The following UBE2D3 variants were observed in gnomAD, a reference collection of about 807,000 sequenced individuals.
UBE2D3 encodes ubiquitin conjugating enzyme E2 D3.
In UBE2D3, 2 loss-of-function variants were observed where a neutral mutation model predicts 22.8. That is an observed-to-expected ratio of 0.09 (90% CI 0.04 to 0.28). UBE2D3 has a LOEUF of 0.28. Among genes scored for constraint, UBE2D3 ranks in the 10% least tolerant of loss-of-function variants. UBE2D3 has a pLI of 1.00. For missense variants in UBE2D3, 27 were observed against 182.5 expected (o/e 0.15, Z 4.91); for synonymous variants, 56 against 60.4 (o/e 0.93, Z 0.34).
At chr4:102,836,281 G>T (rs553397531) in intron 1 of UBE2D3, among the ~76,000 whole-genome samples, 2 of 151,488 alleles carry the variant, frequency 1.3e-5, no homozygotes, top group East Asian at 3.9e-4. Context: ...TGAGTAGCTG[G>T]GACTATAGGC....
intron 2 of UBE2D3, chr4:102,825,299 G>A: frequency 1.0e-6 from 1 of 986,806 alleles, no homozygotes; most frequent in African/African-American, 1.7e-5. Flanking sequence ...TTTCAAGTTA[G>A]CTGTAAACAC....
chr4:102,868,627 G>T, intron 1 of UBE2D3: 1 of 1,576,178 alleles, frequency 6.3e-7, no homozygotes, highest in Non-Finnish European at 8.7e-7. Flanking sequence ...ACTCATGGGC[G>T]AGTATGCAAC....
rs1732488110 is a variant in UBE2D3 at position 102,853,635 on chromosome 4, A to C, written c.-129+15080T>G. Among the ~76,000 whole-genome samples the C allele has an allele frequency of 3.3e-5, 5 of 152,292 alleles. No individual in the cohort carries two copies. In the South Asian group the frequency reaches 1.0e-3, roughly 32 times the overall value. On this transcript the variant is annotated intron_variant, in intron 1 of 7. Transcript: ENST00000338145. ...TAATATAAATTTGTATTTTTCTGTA[A>C]AATATCTGGGAAGGTATGCAAAAAA...
chr4:102,829,184 G>A (rs1288962184), upstream of UBE2D3, among the ~76,000 whole-genome samples: 1 of 152,170 alleles, frequency 6.6e-6, no homozygotes, highest in Non-Finnish European at 1.5e-5. Flanking sequence ...TAGGGCAGTG[G>A]TGGAGCCTGA....
In UBE2D3 at chr4:102,839,543, G is replaced by T. The variant is rs1731624432; in HGVS notation, c.-128-12907C>A. On this transcript the variant is annotated intron_variant, in intron 1 of 7. Transcript: ENST00000338145. ...CCGCCTCGGCTTCCCAAAGTGCCAT[G>T]ATTACAGTGTGAGCTACTGCACCCG... Among the ~76,000 whole-genome samples the T allele has an allele frequency of 2.0e-5, 3 of 152,334 alleles. No individual in the cohort carries two copies. The South Asian group carries it at 6.2e-4, about 32-fold the overall frequency.
intron 1 of UBE2D3, 78 bp downstream of exon 1, chr4:102,827,349 C>T (rs1336824065): frequency 1.7e-5 from 17 of 982,470 alleles, no homozygotes; most frequent in Non-Finnish European, 1.8e-5. Flanking sequence ...CCGCCCAGGT[C>T]CCGCACTGCC....
chr4:102,828,417 C>G (rs1388430394), upstream of UBE2D3, among the ~76,000 whole-genome samples: 1 of 152,004 alleles, frequency 6.6e-6, no homozygotes, highest in African/African-American at 2.4e-5. Context: ...CCCAGGTTGG[C>G]CGCTCATCAG....
chr4:102,848,587 G>A (rs779812583), intron 1 of UBE2D3, among the ~76,000 whole-genome samples: 17 of 151,828 alleles, frequency 1.1e-4, no homozygotes, highest in Non-Finnish European at 2.5e-4. Flanking sequence ...GGAGGATGCA[G>A]TGAGCCGAGA....
chr4:102,806,963 TATG>T (rs2110272664), intron 4 of UBE2D3, among the ~76,000 whole-genome samples: 1 of 152,206 alleles, frequency 6.6e-6, no homozygotes, highest in South Asian at 2.1e-4. Context: ...AGCCAGTACA[TATG>T]ATTATTAAAG....
At chr4:102,868,680 G>T (rs756195690) in intron 1 of UBE2D3, 2 of 1,613,764 alleles carry the variant, frequency 1.2e-6, no homozygotes, top group Admixed American at 3.3e-5. Context: ...GAGGCGGGGC[G>T]AGAGGGGACG....
intron 1 of UBE2D3, among the ~76,000 whole-genome samples, chr4:102,860,394 A>G (rs1272101220): frequency 1.5e-5 from 2 of 136,172 alleles, no homozygotes; most frequent in African/African-American, 5.7e-5. Context: ...TTTGGTTGTC[A>G]TGTTTTCCTG....
chr4:102,826,967 T>C (rs913753484), intron 1 of UBE2D3: 8 of 998,526 alleles, frequency 8.0e-6, no homozygotes, highest in African/African-American at 3.5e-5. Flanking sequence ...CCGGCGTCAC[T>C]AGGGCAAAGA....
chr4:102,812,501 G>C (rs1728195691), intron 2 of UBE2D3: 1 of 152,170 alleles, frequency 6.6e-6, no homozygotes, highest in Admixed American at 6.5e-5. Flanking sequence ...AAACAACCCA[G>C]CTTCCAAGTC....
chr4:102,843,301 T>G (rs577872572), intron 1 of UBE2D3: 1 of 135,178 alleles, frequency 7.4e-6, no homozygotes, highest in Admixed American at 7.2e-5. Context: ...TTTTGTTTCA[T>G]TTTTTTTTTT....
Position 102,797,161 on chromosome 4 carries a change from TA to T in UBE2D3, c.*253del, listed in dbSNP as rs965209004. On this transcript the variant is annotated 3_prime_UTR_variant, in exon 8 of 8. Transcript: ENST00000453744. ...AATACACATGCTCCATTTTTTTTTT[TA>T]AAAATTCTGAGTCTTGGGCAACTGT... 2.7e-4 allele frequency: 89 copies of T among 327,600 alleles called. No homozygotes were observed. The highest frequency in any genetic ancestry group is 1.1e-3 in the South Asian group (15 of 13,410). 20.3% of individuals were successfully genotyped at this position (327,600 alleles called of 1,614,324 possible). A position where few individuals can be genotyped will look rare whatever the true frequency, so the allele number is the denominator to read the frequency against.
intron 4 of UBE2D3, among the ~76,000 whole-genome samples, chr4:102,807,528 G>C (rs750441738): frequency 9.9e-5 from 15 of 152,068 alleles, no homozygotes; most frequent in Non-Finnish European, 2.1e-4. Flanking sequence ...TGCTACCAAA[G>C]CAAAACCCAG....
intron 7 of UBE2D3, among the ~76,000 whole-genome samples, chr4:102,798,304 G>A (rs550485193): frequency 4.9e-5 from 3 of 60,836 alleles, no homozygotes; most frequent in African/African-American, 9.9e-5. Flanking sequence ...ATATGCACAG[G>A]AGAATTTTTA....
intron 1 of UBE2D3, among the ~76,000 whole-genome samples, chr4:102,834,309 T>C (rs1054994400): frequency 2.8e-4 from 42 of 152,198 alleles, no homozygotes; most frequent in African/African-American, 9.9e-4. Context: ...AGTATGACTT[T>C]AGTGTTTATA....
intron 1 of UBE2D3, among the ~76,000 whole-genome samples, chr4:102,842,565 C>A (rs1386826854): frequency 1.3e-5 from 2 of 151,070 alleles, no homozygotes; most frequent in East Asian, 1.9e-4. Flanking sequence ...AAAAAAAAAA[C>A]CTCGAGTTTC....
Sources: gnomAD v4.1 joint callset for allele counts (sites outside exome capture counted in the v4.1 genomes callset) on GRCh38, gnomAD v4.1.1 for gene constraint, MANE v1.5 for transcripts, NCBI Gene and HGNC (gene_info 2026-07-23, HGNC 2026-07-21) for gene names.